ZFPM2: variants seen among roughly 807,000 people sequenced by gnomAD.
The protein encoded by ZFPM2 is zinc finger protein ZFPM2.
ZFPM2 carries 20 observed loss-of-function variants against 98.6 expected under a neutral mutation model. The observed-to-expected ratio is 0.20, with a 90% confidence interval of 0.14 to 0.29. The LOEUF (loss-of-function observed/expected upper bound fraction) is 0.29. Ranked by LOEUF, ZFPM2 falls within the 10% of genes least tolerant of loss-of-function variation. The pLI is 1.00. For synonymous variants in ZFPM2, 518 were observed against 502.7 expected, an observed-to-expected ratio of 1.03 and a Z score of -0.41; for missense variants, 1,310 against 1,388.6, an observed-to-expected ratio of 0.94 and a Z score of 0.90.
At chr8:105,798,481 G>GTGTT in intron 6 of ZFPM2, 1 of 420,346 alleles carries the variant, frequency 2.4e-6, no homozygotes, top group Non-Finnish European at 4.3e-6. Flanking sequence ...TCAATATCTT[G>GTGTT]TGTTTTAAAT....
At chr8:105,366,752 G>A (rs1209248801) in intron 1 of ZFPM2, among the ~76,000 whole-genome samples, 2 of 144,322 alleles carry the variant, frequency 1.4e-5, no homozygotes, top group Admixed American at 1.5e-4. Context: ...TCCCACCTAT[G>A]AGTGAGAATA....
At chr8:105,587,341 G>T (rs1815744803) in intron 4 of ZFPM2, among the ~76,000 whole-genome samples, 3 of 150,724 alleles carry the variant, frequency 2.0e-5, no homozygotes, top group Non-Finnish European at 2.9e-5. Context: ...TACCTATACG[G>T]AATAAAAGTG....
chr8:105,753,894 C>G (rs1434805819), intron 5 of ZFPM2, among the ~76,000 whole-genome samples: 4 of 152,128 alleles, frequency 2.6e-5, no homozygotes, highest in Non-Finnish European at 1.5e-5. Flanking sequence ...GCTGTTTCAG[C>G]AAGTGTGTGC....
chr8:105,761,249 T>C (rs984136155), intron 5 of ZFPM2, among the ~76,000 whole-genome samples: 2 of 152,030 alleles, frequency 1.3e-5, no homozygotes, highest in African/African-American at 4.8e-5. Flanking sequence ...CACCTTTCTT[T>C]TAAGAGCACA....
At chr8:105,671,836 T>G (rs1329885537) in intron 5 of ZFPM2, among the ~76,000 whole-genome samples, 1 of 152,112 alleles carries the variant, frequency 6.6e-6, no homozygotes, top group Non-Finnish European at 1.5e-5. Context: ...TTTTTAATAG[T>G]TGGCAAAACT....
At chr8:105,341,171 C>A (rs766072365) in intron 1 of ZFPM2, among the ~76,000 whole-genome samples, 3 of 151,780 alleles carry the variant, frequency 2.0e-5, no homozygotes, top group African/African-American at 4.8e-5. Flanking sequence ...TAGAACATAC[C>A]CTCGTGGGGC....
chr8:105,468,786 C>T (rs1812842047), intron 3 of ZFPM2, among the ~76,000 whole-genome samples: 1 of 152,204 alleles, frequency 6.6e-6, no homozygotes. Flanking sequence ...CTGAGAAAAT[C>T]ATACTCCTTT....
At chr8:105,405,253 T>C (rs1338362576) in intron 1 of ZFPM2, among the ~76,000 whole-genome samples, 6 of 151,976 alleles carry the variant, frequency 3.9e-5, no homozygotes, top group Non-Finnish European at 7.4e-5. Flanking sequence ...GAGATAATGG[T>C]CCACTCTTTC....
intron 1 of ZFPM2, among the ~76,000 whole-genome samples, chr8:105,401,068 G>A (rs1211882739): frequency 6.6e-6 from 1 of 151,576 alleles, no homozygotes; most frequent in Admixed American, 6.6e-5. Context: ...TCTACTTCTA[G>A]GAATGTATTA....
chr8:105,683,701 A>C (rs573649774), intron 5 of ZFPM2, among the ~76,000 whole-genome samples: 1 of 152,254 alleles, frequency 6.6e-6, no homozygotes, highest in East Asian at 1.9e-4. Flanking sequence ...TCATCTCTTA[A>C]GAATCAGCCC....
At position 105,691,231 on chromosome 8, in the gene ZFPM2, C is replaced by CTTT. The variant is rs869164122; in HGVS notation, c.532+56900_532+56902dup. ...CTCAAGCGCCCTGTTCCCAAAGAGA[C>CTTT]TTTTTTTTTTTTTTTTTTTTTTTTT... On this transcript the variant is annotated intron_variant, in intron 5 of 7. Coordinates refer to ENST00000407775, the MANE Select transcript of ZFPM2 (RefSeq NM_012082.4). 9.3e-4 allele frequency among the ~76,000 whole-genome samples: 63 copies of CTTT among 67,962 alleles called. 12 individuals carry two copies. The highest frequency in any genetic ancestry group is 3.9e-3 in the African/African-American group (49 of 12,634). The allele number at this position is 67,962 out of a possible 152,430, so 44.6% of individuals were successfully genotyped here.
chr8:105,560,583 T>G (rs1424554603), intron 3 of ZFPM2, among the ~76,000 whole-genome samples: 1 of 152,002 alleles, frequency 6.6e-6, no homozygotes, highest in African/African-American at 2.4e-5. Context: ...CGTTTTTTTT[T>G]TTTTTGAAAT....
At chr8:105,535,021 G>A (rs758006440) in intron 3 of ZFPM2, among the ~76,000 whole-genome samples, 1 of 152,160 alleles carries the variant, frequency 6.6e-6, no homozygotes, top group Non-Finnish European at 1.5e-5. Context: ...CTAAGACACA[G>A]CATTTGGCTC....
intron 5 of ZFPM2, among the ~76,000 whole-genome samples, chr8:105,735,769 G>A (rs1812053869): frequency 6.6e-6 from 1 of 151,916 alleles, no homozygotes; most frequent in Non-Finnish European, 1.5e-5. Context: ...AAGCTGTGTT[G>A]ACAGGAAAGC....
chr8:105,473,774 T>C (rs1272434394), intron 3 of ZFPM2, among the ~76,000 whole-genome samples: 2 of 152,262 alleles, frequency 1.3e-5, no homozygotes, highest in Non-Finnish European at 2.9e-5. Context: ...TTAATACATC[T>C]GTTATCTATG....
chr8:105,517,018 G>T (rs574258795), intron 3 of ZFPM2, among the ~76,000 whole-genome samples: 1 of 152,218 alleles, frequency 6.6e-6, no homozygotes, highest in East Asian at 1.9e-4. Context: ...TCTATTCATC[G>T]TCTGAGTAAC....
At chr8:105,428,131 A>C (rs1279339638) in intron 2 of ZFPM2, among the ~76,000 whole-genome samples, 2 of 152,152 alleles carry the variant, frequency 1.3e-5, no homozygotes, top group Non-Finnish European at 2.9e-5. Flanking sequence ...CTATTATATA[A>C]CTCTTGTAGA....
intron 5 of ZFPM2, among the ~76,000 whole-genome samples, chr8:105,655,929 C>A (rs1240842872): frequency 6.6e-6 from 1 of 151,256 alleles, no homozygotes; most frequent in African/African-American, 2.4e-5. Context: ...CCCACATTGG[C>A]TTTTTTCATT....
At chr8:105,567,437 T>A (rs1815265307) in intron 4 of ZFPM2, among the ~76,000 whole-genome samples, 1 of 152,154 alleles carries the variant, frequency 6.6e-6, no homozygotes, top group African/African-American at 2.4e-5. Flanking sequence ...ATATAAGATG[T>A]GTTCTATATT....
Sources: allele counts gnomAD v4.1 joint callset (sites outside exome capture counted in the v4.1 genomes callset), GRCh38; gene constraint gnomAD v4.1.1; transcripts MANE v1.5; gene names NCBI Gene and HGNC (gene_info 2026-07-23, HGNC 2026-07-21).